Variants in KLHL29 observed in about 807,000 individuals in gnomAD.
The protein encoded by KLHL29 is kelch like family member 29, also known as kelch-like protein 29.
Under a neutral mutation model 80.4 loss-of-function variants are expected in KLHL29, and 21 were observed. The observed-to-expected ratio is 0.26, with a 90% CI of 0.19 to 0.38. The LOEUF (loss-of-function observed/expected upper bound fraction) is 0.38. Ranked by LOEUF, KLHL29 falls within the 10% of genes least tolerant of loss-of-function variation. The pLI is 1.00. For synonymous variants in KLHL29, 511 were observed against 526.8 expected, an observed-to-expected ratio of 0.97 and a Z score of 0.41; for missense variants, 867 against 1,223.9, an observed-to-expected ratio of 0.71 and a Z score of 4.35.
At chr2:23,546,174 G>T (rs1163492672) in intron 2 of KLHL29, among the ~76,000 whole-genome samples, 1 of 152,202 alleles carries the variant, frequency 6.6e-6, no homozygotes, top group African/African-American at 2.4e-5. Context: ...CTGAGGCTGG[G>T]CTCTGTGCAG....
intron 2 of KLHL29, among the ~76,000 whole-genome samples, chr2:23,559,796 G>T (rs111786458): frequency 2.0e-5 from 3 of 152,062 alleles, no homozygotes; most frequent in Non-Finnish European, 4.4e-5. Flanking sequence ...AGAAAGAGGG[G>T]ATGGAGGGAT....
intron 3 of KLHL29, chr2:23,617,249 C>T (rs1469238378): frequency 6.6e-6 from 1 of 152,220 alleles, no homozygotes; most frequent in Non-Finnish European, 1.5e-5. Flanking sequence ...GGCAGAGAAG[C>T]TTCCCTGTGC....
In KLHL29 at chr2:23,706,543, C is replaced by T. The variant is rs887352240; in HGVS notation, c.2507C>T (p.Ala836Val). ...GGTATTGTCAGCAGTGAAGGGCCCG[C>T]GCTGGGCAACATGGAGGCCTACGAG... ...TGGIVSSEGP[A>V]LGNMEAYEPT... Residue 836 changes from alanine to valine, a missense_variant, in exon 14 of 14, where the codon GCG (alanine) becomes GTG (valine). Physicochemically the swap from Ala to Val is moderately conservative, Grantham distance 64. Transcript: ENST00000486442. 3.3e-6 allele frequency: 5 copies of T among 1,536,868 alleles called. No homozygotes were observed. The highest frequency in any genetic ancestry group is 2.4e-5 in the South Asian group (2 of 83,994).
intron 13 of KLHL29, among the ~76,000 whole-genome samples, chr2:23,704,551 G>T (rs748933642): frequency 3.3e-4 from 50 of 152,232 alleles, no homozygotes; most frequent in Non-Finnish European, 3.5e-4. Context: ...TGGATCAGTT[G>T]AGATCAGGAG....
chr2:23,551,949 G>A (rs1667142208), intron 2 of KLHL29, among the ~76,000 whole-genome samples: 1 of 152,236 alleles, frequency 6.6e-6, no homozygotes, highest in African/African-American at 2.4e-5. Context: ...TCACCCTCTT[G>A]CTTTTCCTGG....
At chr2:23,537,274 G>T (rs1666700009) in intron 2 of KLHL29, among the ~76,000 whole-genome samples, 1 of 152,112 alleles carries the variant, frequency 6.6e-6, no homozygotes, top group South Asian at 2.1e-4. Context: ...TGAACACTCT[G>T]TTGCCTCAGT....
chr2:23,507,736 C>T lies in KLHL29; in HGVS notation c.-46+32069C>T, dbSNP rs552035576. ...CCTTTGGAAATTCACCCAAAGCAGC[C>T]TGTTTGTTCCTGGCTCTGCCTCTGT... On this transcript the variant is annotated intron_variant, in intron 2 of 13. Transcript: ENST00000486442. Among the ~76,000 whole-genome samples the T allele has an allele frequency of 2.0e-5, 3 of 152,258 alleles. No homozygotes were observed. In the East Asian group the frequency reaches 5.8e-4, roughly 29 times the overall value.
Position 23,693,262 on chromosome 2 carries a change from C to A in KLHL29, c.1283-7C>A. 6.5e-7 allele frequency: 1 copy of A among 1,539,808 alleles called. No individual in the cohort carries two copies. ...TTGGGTCAGTGGTCCTGCGCTGTCG[C>A]CCCCAGAGAAGCAGCTGACGGCCAG... On this transcript the variant is annotated splice_region_variant and splice_polypyrimidine_tract_variant and intron_variant, in intron 7 of 13. Coordinates refer to ENST00000486442, the MANE Select transcript of KLHL29 (RefSeq NM_052920.2).
intron 2 of KLHL29, among the ~76,000 whole-genome samples, chr2:23,545,840 C>G (rs967147675): frequency 6.6e-6 from 1 of 152,194 alleles, no homozygotes; most frequent in African/African-American, 2.4e-5. Context: ...ACACCAGAGT[C>G]CCCCCAGCCT....
intron 2 of KLHL29, among the ~76,000 whole-genome samples, chr2:23,541,585 T>TG (rs1486574015): frequency 1.3e-5 from 2 of 152,198 alleles, no homozygotes; most frequent in Non-Finnish European, 2.9e-5. Flanking sequence ...TGCATCTCTT[T>TG]GTTGTAGCTG....
intron 2 of KLHL29, among the ~76,000 whole-genome samples, chr2:23,557,101 T>C (rs1667317526): frequency 6.6e-6 from 1 of 152,084 alleles, no homozygotes; most frequent in South Asian, 2.1e-4. Flanking sequence ...CAAGGAAGCT[T>C]TGTGATGTGT....
chr2:23,609,268 T>C (rs1395946256), intron 3 of KLHL29, among the ~76,000 whole-genome samples: 1 of 152,114 alleles, frequency 6.6e-6, no homozygotes, highest in East Asian at 1.9e-4. Context: ...CAGGGCACTG[T>C]GTCTAAGTCG....
At chr2:23,692,463 G>A (rs962296727) in intron 7 of KLHL29, among the ~76,000 whole-genome samples, 3 of 152,234 alleles carry the variant, frequency 2.0e-5, no homozygotes, top group African/African-American at 4.8e-5. Flanking sequence ...GGACAAAGAC[G>A]AAAGCCCCCA....
chr2:23,639,215 A>G lies in KLHL29; in HGVS notation c.362A>G (p.Asn121Ser), dbSNP rs916637979. 1.9e-6 allele frequency: 3 copies of G among 1,548,278 alleles called. No individual in the cohort carries two copies. Among genetic ancestry groups the G allele is most frequent in the East Asian group, 2.5e-5 (1 of 40,754 alleles). ...TSIRWGQTPI[N>S]QSTPWDTDEP... ...ATCCGGTGGGGGCAGACGCCTATCA[A>G]TCAGTCCACACCCTGGGACACTGAT... Residue 121 changes from asparagine to serine, a missense_variant, in exon 4 of 14, where the codon AAT (asparagine) becomes AGT (serine). Physicochemically the swap from Asn to Ser is conservative, Grantham distance 46. Coordinates refer to ENST00000486442, the MANE Select transcript of KLHL29 (RefSeq NM_052920.2).
At chr2:23,488,034 C>T (rs900100170) in intron 2 of KLHL29, among the ~76,000 whole-genome samples, 3 of 152,144 alleles carry the variant, frequency 2.0e-5, no homozygotes, top group South Asian at 2.1e-4. Flanking sequence ...CTGGCAGATG[C>T]GTGGCAAGAC....
intron 3 of KLHL29, among the ~76,000 whole-genome samples, chr2:23,620,494 G>T (rs767491915): frequency 2.0e-5 from 3 of 152,164 alleles, no homozygotes; most frequent in Non-Finnish European, 4.4e-5. Context: ...GGGGCATGGC[G>T]TGGGGGGACA....
chr2:23,607,448 A>C (rs1286644150), intron 3 of KLHL29, among the ~76,000 whole-genome samples: 1 of 152,242 alleles, frequency 6.6e-6, no homozygotes, highest in East Asian at 1.9e-4. Context: ...AACCATTAGC[A>C]ATCCATTTTG....
chr2:23,641,163 G>A (rs1369367805), intron 4 of KLHL29, among the ~76,000 whole-genome samples: 2 of 152,176 alleles, frequency 1.3e-5, no homozygotes, highest in African/African-American at 2.4e-5. Context: ...CTGTCATGGT[G>A]TCTCCCAGTT....
At chr2:23,496,921 G>A (rs973764879) in intron 2 of KLHL29, among the ~76,000 whole-genome samples, 12 of 152,158 alleles carry the variant, frequency 7.9e-5, no homozygotes, top group East Asian at 3.8e-4. Flanking sequence ...ACACTGCAGC[G>A]TCAAGAAGAA....
Sources: gnomAD v4.1 joint callset for allele counts (sites outside exome capture counted in the v4.1 genomes callset) on GRCh38, gnomAD v4.1.1 for gene constraint, MANE v1.5 for transcripts, NCBI Gene and HGNC (gene_info 2026-07-23, HGNC 2026-07-21) for gene names.